TSPAN14: variants seen among roughly 807,000 people sequenced by gnomAD.
The protein encoded by TSPAN14 is tetraspanin 14.
A neutral mutation model predicts 36.6 loss-of-function variants in TSPAN14; 16 were observed. The observed-to-expected ratio is 0.44, with a 90% CI of 0.30 to 0.66. The LOEUF (loss-of-function observed/expected upper bound fraction) is 0.66. Ranked by LOEUF, TSPAN14 falls within the 30% of genes least tolerant of loss-of-function variation. TSPAN14 has a pLI of 0.12. For missense variants in TSPAN14, 231 were observed against 355.1 expected, an observed-to-expected ratio of 0.65 and a Z score of 2.81; for synonymous variants, 139 against 143.8, an observed-to-expected ratio of 0.97 and a Z score of 0.24.
chr10:80,495,359 GTGTGTGTGTGTGTGTGTGTA>G (rs1310899205), intron 2 of TSPAN14, among the ~76,000 whole-genome samples: 34 of 115,588 alleles, frequency 2.9e-4, no homozygotes, highest in African/African-American at 5.1e-4. Context: ...GTGTGTGTGT[GTGTGTGTGTGTGTGTGTGTA>G]TGTACATGTG....
Position 80,520,951 on chromosome 10 carries a change from G to A in TSPAN14, c.*2975G>A, listed in dbSNP as rs545201923. ...GCTGCAGCTGTCCTCACCAGCCTCC[G>A]GGGAATCCCACTACCCACAGGGCAG... On this transcript the variant is annotated 3_prime_UTR_variant, in exon 9 of 9. Coordinates refer to ENST00000429989, the Ensembl canonical transcript of TSPAN14. The A allele has an allele frequency of 1.1e-4, 48 of 437,894 alleles. No homozygotes were observed. In the East Asian group the frequency reaches 2.5e-3, roughly 23 times the overall value. 27.1% of individuals were successfully genotyped at this position (437,894 alleles called of 1,614,324 possible).
At chr10:80,458,150 C>T (rs1053060740) in intron 1 of TSPAN14, among the ~76,000 whole-genome samples, 4 of 152,180 alleles carry the variant, frequency 2.6e-5, no homozygotes, top group Non-Finnish European at 5.9e-5. Context: ...GAGCAGGTAG[C>T]GATACCCAGG....
intron 6 of TSPAN14, among the ~76,000 whole-genome samples, chr10:80,513,741 A>T (rs1311379096): frequency 1.3e-5 from 2 of 152,242 alleles, no homozygotes; most frequent in Non-Finnish European, 2.9e-5. Context: ...CTTGAAATAC[A>T]GCCATTCCTG....
intron 1 of TSPAN14, among the ~76,000 whole-genome samples, chr10:80,455,967 T>G (rs932837244): frequency 6.6e-6 from 1 of 152,194 alleles, no homozygotes; most frequent in African/African-American, 2.4e-5. Flanking sequence ...CTCATTGTGT[T>G]GCACCCCAAC....
chr10:80,496,083 T>C (rs568608504), intron 2 of TSPAN14, among the ~76,000 whole-genome samples: 2 of 152,344 alleles, frequency 1.3e-5, no homozygotes, highest in Admixed American at 6.5e-5. Flanking sequence ...AATTTCTTAT[T>C]TTTTAATTGT....
intron 5 of TSPAN14, among the ~76,000 whole-genome samples, chr10:80,511,425 CA>C (rs1840612261): frequency 1.3e-5 from 2 of 152,096 alleles, no homozygotes; most frequent in Non-Finnish European, 2.9e-5. Flanking sequence ...TCTCTTGTGG[CA>C]AGTAGAGGAC....
intron 1 of TSPAN14, among the ~76,000 whole-genome samples, chr10:80,478,957 T>C (rs2131989156): frequency 6.6e-6 from 1 of 152,234 alleles, no homozygotes; most frequent in African/African-American, 2.4e-5. Context: ...GCACCTGTTG[T>C]TTCCTGACTT....
chr10:80,491,324 C>T (rs1342953178), intron 2 of TSPAN14, among the ~76,000 whole-genome samples: 9 of 152,176 alleles, frequency 5.9e-5, no homozygotes, highest in Admixed American at 5.9e-4. Flanking sequence ...CAGCATTGTT[C>T]CCTGTCTGGA....
intron 1 of TSPAN14, among the ~76,000 whole-genome samples, chr10:80,486,101 C>T (rs560033630): frequency 3.3e-5 from 5 of 152,274 alleles, no homozygotes; most frequent in African/African-American, 7.2e-5. Context: ...GAGTTTAGGA[C>T]GTGGCTGTGA....
intron 5 of TSPAN14, among the ~76,000 whole-genome samples, chr10:80,510,117 C>A (rs541892794): frequency 6.6e-6 from 1 of 152,334 alleles, no homozygotes; most frequent in Non-Finnish European, 1.5e-5. Flanking sequence ...TGTCACAGCC[C>A]CCTGGGGAGG....
At chr10:80,511,710 TCC>T (rs1491546893) in intron 5 of TSPAN14, among the ~76,000 whole-genome samples, 5 of 52,314 alleles carry the variant, frequency 9.6e-5, no homozygotes, top group Admixed American at 2.6e-4. Context: ...AAAGGGCAGG[TCC>T]TCTCTCTCTC....
At chr10:80,463,506 A>G (rs1041838596) in intron 1 of TSPAN14, among the ~76,000 whole-genome samples, 4 of 152,180 alleles carry the variant, frequency 2.6e-5, no homozygotes, top group African/African-American at 7.2e-5. Context: ...GCTGTTTTGC[A>G]CTTCCTGATT....
chr10:80,473,691 T>G (rs945406481), intron 1 of TSPAN14, among the ~76,000 whole-genome samples: 7 of 142,160 alleles, frequency 4.9e-5, no homozygotes, highest in African/African-American at 7.5e-5. Flanking sequence ...ATGGGTTTTT[T>G]TTTTTTTTTT....
In TSPAN14 at chr10:80,509,689, C is replaced by A; in HGVS notation, c.450+218C>A. ...CCAGCCCTTTCCCATTGGGATTGGG[C>A]AGGCAAGTCCAGCTGTACCCGAGGC... On this transcript the variant is annotated intron_variant, in intron 5 of 8. Transcript: ENST00000429989. This position sits in a 1 kb window ranked among gnomAD's most constrained non-coding sequence, Gnocchi z 4.7. 1.8e-6 allele frequency: 1 copy of A among 564,372 alleles called. No homozygotes were observed. Among genetic ancestry groups the A allele is most frequent in the South Asian group, 2.2e-5 (1 of 46,280 alleles). 35.0% of individuals were successfully genotyped at this position (564,372 alleles called of 1,614,324 possible).
intron 5 of TSPAN14, among the ~76,000 whole-genome samples, chr10:80,511,063 C>G (rs1023292825): frequency 6.6e-6 from 1 of 152,134 alleles, no homozygotes; most frequent in Non-Finnish European, 1.5e-5. Context: ...CCAGAAATCA[C>G]TGTTGTCATT....
At chr10:80,476,750 A>G (rs1846939780) in intron 1 of TSPAN14, among the ~76,000 whole-genome samples, 1 of 151,110 alleles carries the variant, frequency 6.6e-6, no homozygotes, top group East Asian at 1.9e-4. Flanking sequence ...TTTTTTTTAT[A>G]TTTTTCAAAT....
Position 80,469,886 on chromosome 10 carries a change from G to GT in TSPAN14, c.-18+15523dup, listed in dbSNP as rs569308826. 2.3e-4 allele frequency among the ~76,000 whole-genome samples: 35 copies of GT among 151,506 alleles called. No individual in the cohort carries two copies. The South Asian group carries it at 4.4e-3, about 19-fold the overall frequency. On this transcript the variant is annotated intron_variant, in intron 1 of 8. Transcript: ENST00000429989. ...TCCAGATTGCCGTCCTTTGAGGTGGGTTTTTTTTGTCTTAAAACACAGTAC... is the reference window on the plus strand; with the variant it reads ...TCCAGATTGCCGTCCTTTGAGGTGGGTTTTTTTTTGTCTTAAAACACAGTAC...
At chr10:80,512,020 C>T in intron 5 of TSPAN14, 124 bp from the exon 6 acceptor site, 1 of 1,479,686 alleles carries the variant, frequency 6.8e-7, no homozygotes, top group Non-Finnish European at 9.2e-7. Flanking sequence ...GGGGGCGGGC[C>T]TTGATTTCTC....
intron 2 of TSPAN14, among the ~76,000 whole-genome samples, chr10:80,504,238 G>A (rs1306803387): frequency 6.6e-6 from 1 of 152,248 alleles, no homozygotes; most frequent in Non-Finnish European, 1.5e-5. Flanking sequence ...CTATCTCCAG[G>A]GCTGGAGAGC....
Sources: gnomAD v4.1 joint callset for allele counts (sites outside exome capture counted in the v4.1 genomes callset) on GRCh38, gnomAD v4.1.1 for gene constraint, Gnocchi (gnomAD v3.1) non-coding constraint, MANE v1.5 for transcripts, NCBI Gene and HGNC (gene_info 2026-07-23, HGNC 2026-07-21) for gene names.